The following LHFPL3 variants were observed in gnomAD, a reference collection of about 807,000 sequenced individuals.
The protein encoded by LHFPL3 is LHFPL tetraspan subfamily member 3.
LHFPL3 carries 5 observed loss-of-function variants against 19.3 expected under a neutral mutation model. That is an observed-to-expected ratio of 0.26 (90% CI 0.14 to 0.54). LHFPL3 has a LOEUF of 0.54. Ranked by LOEUF, LHFPL3 falls within the 20% of genes least tolerant of loss-of-function variation. The probability of loss-of-function intolerance (pLI) is 0.94; values close to 1 mark genes in which losing one functional copy is unlikely to be tolerated. For missense variants in LHFPL3, 249 were observed against 307.4 expected (o/e 0.81, Z 1.42); for synonymous variants, 133 against 126.2 (o/e 1.05, Z -0.36).
intron 1 of LHFPL3, among the ~76,000 whole-genome samples, chr7:104,341,136 A>T (rs946842070): frequency 6.6e-5 from 10 of 152,216 alleles, no homozygotes; most frequent in African/African-American, 1.9e-4. Context: ...TCGAAATTTA[A>T]CTATAATACA....
intron 1 of LHFPL3, among the ~76,000 whole-genome samples, chr7:104,730,391 G>T (rs1051099800): frequency 2.8e-4 from 43 of 151,984 alleles, no homozygotes; most frequent in African/African-American, 9.2e-4. Context: ...TTTCCCCACA[G>T]CCTCTCCAGC....
At chr7:104,759,727 C>T (rs1262669932) in intron 2 of LHFPL3, 1 of 152,154 alleles carries the variant, frequency 6.6e-6, no homozygotes, top group African/African-American at 2.4e-5. Flanking sequence ...CGCAGAAGTT[C>T]AGCTTCAGGG....
chr7:104,499,899 G>A (rs1793567426), intron 1 of LHFPL3, among the ~76,000 whole-genome samples: 1 of 152,048 alleles, frequency 6.6e-6, no homozygotes, highest in Non-Finnish European at 1.5e-5. Context: ...AAATACTGCT[G>A]GAAATAAAAT....
intron 2 of LHFPL3, among the ~76,000 whole-genome samples, chr7:104,769,630 C>A (rs1049581401): frequency 6.6e-6 from 1 of 151,424 alleles, no homozygotes; most frequent in Non-Finnish European, 1.5e-5. Context: ...CCCCGACAGG[C>A]CCCGGTGTGT....
intron 1 of LHFPL3, among the ~76,000 whole-genome samples, chr7:104,705,077 A>C (rs1793167874): frequency 6.6e-6 from 1 of 152,016 alleles, no homozygotes; most frequent in African/African-American, 2.4e-5. Context: ...TGTCATTGTC[A>C]TTTTCTATGT....
chr7:104,487,964 C>T (rs1010060870), intron 1 of LHFPL3, among the ~76,000 whole-genome samples: 3 of 152,144 alleles, frequency 2.0e-5, no homozygotes, highest in Non-Finnish European at 4.4e-5. Flanking sequence ...GAGGCTCCTT[C>T]TTGTAAATAC....
chr7:104,536,902 A>G (rs1227729814), intron 1 of LHFPL3, among the ~76,000 whole-genome samples: 1 of 152,202 alleles, frequency 6.6e-6, no homozygotes, highest in East Asian at 1.9e-4. Flanking sequence ...TTCAGTGACC[A>G]CTGATTTCAT....
intron 1 of LHFPL3, among the ~76,000 whole-genome samples, chr7:104,583,969 A>G (rs1394366678): frequency 6.6e-6 from 1 of 152,124 alleles, no homozygotes; most frequent in Non-Finnish European, 1.5e-5. Flanking sequence ...TATATACCCA[A>G]AGGATTATAA....
intron 1 of LHFPL3, among the ~76,000 whole-genome samples, chr7:104,437,721 C>A (rs755671383): frequency 1.3e-5 from 2 of 152,148 alleles, no homozygotes; most frequent in African/African-American, 2.4e-5. Flanking sequence ...ACGTATAGGG[C>A]TGGTTATGGG....
At chr7:104,653,124 A>T (rs1792061084) in intron 1 of LHFPL3, among the ~76,000 whole-genome samples, 2 of 152,122 alleles carry the variant, frequency 1.3e-5, no homozygotes, top group Admixed American at 1.3e-4. Flanking sequence ...CATGGCCTTG[A>T]GCTATTAAAA....
intron 1 of LHFPL3, among the ~76,000 whole-genome samples, chr7:104,433,754 T>C (rs1000258682): frequency 6.6e-6 from 1 of 152,188 alleles, no homozygotes; most frequent in Non-Finnish European, 1.5e-5. Context: ...ACCAGTCTCT[T>C]TCTCTGATTT....
chr7:104,591,297 A>G (rs1242739045), intron 1 of LHFPL3, among the ~76,000 whole-genome samples: 2 of 152,182 alleles, frequency 1.3e-5, no homozygotes, highest in Non-Finnish European at 2.9e-5. Flanking sequence ...GAGCTCTTGT[A>G]AGGCAGGCCT....
At chr7:104,343,904 C>T (rs535136856) in intron 1 of LHFPL3, among the ~76,000 whole-genome samples, 1 of 152,156 alleles carries the variant, frequency 6.6e-6, no homozygotes, top group African/African-American at 2.4e-5. Context: ...TGTACACATT[C>T]CTGGGTAGCA....
At chr7:104,357,340 T>C (rs28695821) in intron 1 of LHFPL3, among the ~76,000 whole-genome samples, 11,572 of 152,240 alleles carry the variant, frequency 0.076, 476 homozygotes, top group Middle Eastern at 0.092. Flanking sequence ...GGTTAACAAA[T>C]ATAAATGTGA....
chr7:104,546,849 C>T (rs1250397014), intron 1 of LHFPL3, among the ~76,000 whole-genome samples: 2 of 152,154 alleles, frequency 1.3e-5, no homozygotes, highest in Admixed American at 6.5e-5. Context: ...CCAGTTTTCT[C>T]TTCTGTAAAA....
chr7:104,462,909 A>G (rs1413218314), intron 1 of LHFPL3, among the ~76,000 whole-genome samples: 1 of 151,934 alleles, frequency 6.6e-6, no homozygotes, highest in African/African-American at 2.4e-5. Context: ...TAACTGATTC[A>G]ATTTCAGAGC....
rs1330292627 is a variant in LHFPL3, at chr7:104,328,676, G to C, written c.-104G>C. ...TGCTGCTGGGCTGAGGCGGAGGCAG[G>C]GGAGTTGCAGCGCGCGAGGCTCCGT... On this transcript the variant is annotated 5_prime_UTR_variant, in exon 1 of 3. Coordinates refer to ENST00000424859, the MANE Select transcript of LHFPL3 (RefSeq NM_199000.3). The surrounding 1 kb of genome is among the most constrained non-coding windows in gnomAD (Gnocchi z 4.6). 2 of 972,496 alleles carry C rather than the reference G, an allele frequency of 2.1e-6. No individual in the cohort carries two copies. The highest frequency in any genetic ancestry group is 1.6e-5 in the African/African-American group (1 of 62,702). The allele number at this position is 972,496 out of a possible 1,614,324, so 60.2% of individuals were successfully genotyped here. A position where few individuals can be genotyped will look rare whatever the true frequency, so the allele number is the denominator to read the frequency against.
At chr7:104,509,066 T>C (rs1793760539) in intron 1 of LHFPL3, among the ~76,000 whole-genome samples, 1 of 152,050 alleles carries the variant, frequency 6.6e-6, no homozygotes, top group Non-Finnish European at 1.5e-5. Flanking sequence ...TTAGATAATT[T>C]TAATGTCCTA....
In LHFPL3 at chr7:104,664,467, C is replaced by T. The variant is rs528378616; in HGVS notation, c.446-72208C>T. Among the ~76,000 whole-genome samples, 10 of 152,298 alleles carry T rather than the reference C, an allele frequency of 6.6e-5. No homozygotes were observed. The South Asian group carries it at 1.9e-3, about 28-fold the overall frequency. ...ATTAAAGTCCTGGTCAGGTACCTTT[C>T]CTCAGCATGATAACTCCAGGACACT... On this transcript the variant is annotated intron_variant, in intron 1 of 2. Coordinates refer to ENST00000424859, the MANE Select transcript of LHFPL3 (RefSeq NM_199000.3).
Sources: gnomAD v4.1 joint callset for allele counts (sites outside exome capture counted in the v4.1 genomes callset) on GRCh38, gnomAD v4.1.1 for gene constraint, Gnocchi (gnomAD v3.1) non-coding constraint, MANE v1.5 for transcripts, NCBI Gene and HGNC (gene_info 2026-07-23, HGNC 2026-07-21) for gene names.